EML6: variants seen among roughly 807,000 people sequenced by gnomAD.
EML6 encodes EMAP like 6, also known as echinoderm microtubule-associated protein-like 6.
Under a neutral mutation model 240.1 loss-of-function variants are expected in EML6, and 154 were observed. The observed-to-expected ratio is 0.64, with a 90% CI of 0.56 to 0.73. The LOEUF (loss-of-function observed/expected upper bound fraction) is 0.73. Ranked by LOEUF, EML6 falls within the 30% of genes least tolerant of loss-of-function variation. The pLI is 0.00. For missense variants in EML6, 2,964 were observed against 2,474.6 expected, an observed-to-expected ratio of 1.20 and a Z score of -4.20; for synonymous variants, 1,148 against 899.0, an observed-to-expected ratio of 1.28 and a Z score of -4.95.
intron 15 of EML6, among the ~76,000 whole-genome samples, chr2:54,871,258 G>T (rs1000229691): frequency 7.2e-5 from 11 of 152,156 alleles, no homozygotes; most frequent in African/African-American, 2.7e-4. Context: ...AGCCTTAAAG[G>T]CCCAGGCATC....
At chr2:54,740,879 T>C (rs1410030211) in intron 2 of EML6, among the ~76,000 whole-genome samples, 1 of 152,208 alleles carries the variant, frequency 6.6e-6, no homozygotes, top group Non-Finnish European at 1.5e-5. Flanking sequence ...GCAGGTCATC[T>C]TTCTTGCCTT....
At chr2:54,769,840 C>G (rs556632672) in intron 2 of EML6, among the ~76,000 whole-genome samples, 2 of 152,196 alleles carry the variant, frequency 1.3e-5, no homozygotes, top group Non-Finnish European at 2.9e-5. Flanking sequence ...ACTTGTTAAT[C>G]TTGCATAACT....
chr2:54,939,357 G>C (rs1033382728), intron 28 of EML6, among the ~76,000 whole-genome samples: 2 of 152,208 alleles, frequency 1.3e-5, no homozygotes. Flanking sequence ...GTAGTTGTCT[G>C]CTTTGTCTGG....
chr2:54,851,573 C>T (rs1483274223), intron 10 of EML6, among the ~76,000 whole-genome samples: 2 of 152,150 alleles, frequency 1.3e-5, no homozygotes, highest in Non-Finnish European at 2.9e-5. Context: ...TTTCTGTATG[C>T]TCGAAGTATT....
At chr2:54,924,358 G>C (rs961642767) in intron 26 of EML6, among the ~76,000 whole-genome samples, 1 of 132,212 alleles carries the variant, frequency 7.6e-6, no homozygotes, top group African/African-American at 2.9e-5. Flanking sequence ...AGGATGCTGA[G>C]CACTTTGTCA....
In EML6 at chr2:54,895,424, C is replaced by T. The variant is rs565755646; in HGVS notation, c.2982+24C>T. 1.9e-5 allele frequency: 29 copies of T among 1,550,758 alleles called. No homozygotes were observed. In the South Asian group the frequency reaches 3.2e-4, roughly 17 times the overall value. ...AGGTACTGTTTGTATGTATTCTAAA[C>T]TGCAGTTCACATCAAGGCTGGGACT... On this transcript the variant is annotated intron_variant, in intron 21 of 41. Transcript: ENST00000356458.
intron 28 of EML6, among the ~76,000 whole-genome samples, chr2:54,942,970 G>T (rs1675504012): frequency 6.6e-6 from 1 of 151,834 alleles, no homozygotes; most frequent in Non-Finnish European, 1.5e-5. Flanking sequence ...CCTACCACCT[G>T]CCTCTCCACT....
intron 7 of EML6, among the ~76,000 whole-genome samples, chr2:54,841,586 C>CTTTTTTTTTT (rs3038252): frequency 8.4e-5 from 10 of 118,888 alleles, no homozygotes; most frequent in Middle Eastern, 5.5e-3. Flanking sequence ...TTTGTCTTGG[C>CTTTTTTTTTT]TTTTTTTTTT....
In EML6 at chr2:54,957,775, C is replaced by G; in HGVS notation, c.4487-15C>G. The G allele has an allele frequency of 1.3e-6, 2 of 1,549,074 alleles. No individual in the cohort carries two copies. Among genetic ancestry groups the G allele is most frequent in the East Asian group, 4.9e-5 (2 of 40,918 alleles). On this transcript the variant is annotated splice_polypyrimidine_tract_variant and intron_variant, in intron 32 of 41. Transcript: ENST00000356458. The stretch of plus-strand genomic sequence containing the variant: ...AAGCAATGAGGAGCCTCACTGGACT[C>G]TGTCACCCACACAGGTGCCAAGGTT...
At position 54,971,874 on chromosome 2, in the gene EML6, T is replaced by A. The variant is rs1677034416; in HGVS notation, c.*1779T>A. On this transcript the variant is annotated 3_prime_UTR_variant, in exon 42 of 42. Transcript: ENST00000356458. ...TGAAAAACTTATTTGTAAACGTTTA[T>A]ATGGTATGATTTTGATTTTATGTAT... is the stretch of plus-strand genomic sequence containing the variant. The A allele has an allele frequency of 6.6e-6, 1 of 152,246 alleles. No homozygotes were observed. The highest frequency in any genetic ancestry group is 1.5e-5 in the Non-Finnish European group (1 of 68,042). 9.4% of individuals were successfully genotyped at this position (152,246 alleles called of 1,614,324 possible).
At chr2:54,808,097 G>A (rs562502129) in intron 2 of EML6, among the ~76,000 whole-genome samples, 42 of 152,166 alleles carry the variant, frequency 2.8e-4, no homozygotes, top group Non-Finnish European at 5.3e-4. Flanking sequence ...CAGGAAAATG[G>A]CAATGAATTT....
chr2:54,894,583 G>C (rs569004551), intron 19 of EML6, among the ~76,000 whole-genome samples: 1 of 152,150 alleles, frequency 6.6e-6, no homozygotes, highest in African/African-American at 2.4e-5. Context: ...TAGGTTTTGA[G>C]GCTGGTTCCA....
chr2:54,923,275 G>C (rs1052148075), intron 26 of EML6, among the ~76,000 whole-genome samples: 5 of 151,446 alleles, frequency 3.3e-5, no homozygotes, highest in African/African-American at 1.2e-4. Flanking sequence ...ATAAGTTCTG[G>C]GGATCTGATG....
chr2:54,845,023 C>A (rs563550300), intron 8 of EML6, among the ~76,000 whole-genome samples: 1 of 152,148 alleles, frequency 6.6e-6, no homozygotes, highest in East Asian at 1.9e-4. Flanking sequence ...ACTGATCAAT[C>A]GATTGAATGG....
intron 2 of EML6, among the ~76,000 whole-genome samples, chr2:54,790,208 G>T (rs185009484): frequency 6.6e-6 from 1 of 152,256 alleles, no homozygotes; most frequent in Non-Finnish European, 1.5e-5. Context: ...TGAGCCAATT[G>T]AAAAGCAAAT....
chr2:54,927,445 T>C (rs1304276865), intron 26 of EML6, among the ~76,000 whole-genome samples: 1 of 152,218 alleles, frequency 6.6e-6, no homozygotes, highest in African/African-American at 2.4e-5. Context: ...AGAGAGTGCA[T>C]GTGGCCTTCC....
chr2:54,778,512 G>A (rs2033415), intron 2 of EML6, among the ~76,000 whole-genome samples: 14,956 of 152,140 alleles, frequency 0.098, 895 homozygotes, highest in East Asian at 0.19. Flanking sequence ...CACTCTGTGC[G>A]AGATGCTGAC....
intron 28 of EML6, among the ~76,000 whole-genome samples, chr2:54,930,452 C>T (rs1377882897): frequency 6.6e-6 from 1 of 152,044 alleles, no homozygotes; most frequent in African/African-American, 2.4e-5. Context: ...TCATGCTACC[C>T]CATTTTATTA....
At chr2:54,923,542 G>T (rs1294824937) in intron 26 of EML6, among the ~76,000 whole-genome samples, 1 of 152,042 alleles carries the variant, frequency 6.6e-6, no homozygotes, top group Non-Finnish European at 1.5e-5. Flanking sequence ...AAAGCTGGGA[G>T]GAAAAAGTAA....
Sources: gnomAD v4.1 joint callset for allele counts (sites outside exome capture counted in the v4.1 genomes callset) on GRCh38, gnomAD v4.1.1 for gene constraint, MANE v1.5 for transcripts, NCBI Gene and HGNC (gene_info 2026-07-23, HGNC 2026-07-21) for gene names.